The following SCHIP1 variants were observed in gnomAD, a reference collection of about 807,000 sequenced individuals.
SCHIP1 encodes schwannomin interacting protein 1.
Under a neutral mutation model 29.7 loss-of-function variants are expected in SCHIP1, and 8 were observed. The observed-to-expected ratio is 0.27, with a 90% CI of 0.16 to 0.49. The LOEUF (loss-of-function observed/expected upper bound fraction) is 0.49. Ranked by LOEUF, SCHIP1 falls within the 20% of genes least tolerant of loss-of-function variation. The probability of loss-of-function intolerance (pLI) is 0.99; values close to 1 mark genes in which losing one functional copy is unlikely to be tolerated. For missense variants in SCHIP1, 193 were observed against 294.6 expected (o/e 0.66, Z 2.52); for synonymous variants, 76 against 94.9 (o/e 0.80, Z 1.16).
chr3:159,541,526 A>G, the SCHIP1 span, among the ~76,000 whole-genome samples: 1,629 of 152,174 alleles, frequency 0.011, 16 homozygotes, highest in Non-Finnish European at 0.017. Context: ...TGAAAAGGTG[A>G]CCTATTTCCC....
At chr3:159,320,882 C>T in the SCHIP1 span, among the ~76,000 whole-genome samples, 1 of 151,116 alleles carries the variant, frequency 6.6e-6, no homozygotes, top group Non-Finnish European at 1.5e-5. Context: ...GTATCATCTT[C>T]CTGGGGGGCT....
chr3:159,329,292 G>A, the SCHIP1 span, among the ~76,000 whole-genome samples: 2 of 152,150 alleles, frequency 1.3e-5, no homozygotes, highest in Non-Finnish European at 2.9e-5. Context: ...GAGAGGACTG[G>A]CATCAACTAA....
At chr3:159,754,371 T>G in the SCHIP1 span, among the ~76,000 whole-genome samples, 1 of 152,312 alleles carries the variant, frequency 6.6e-6, no homozygotes, top group South Asian at 2.1e-4. Flanking sequence ...TATTGAAATT[T>G]TTCTTGATTA....
intron 6 of SCHIP1, chr3:159,894,027 T>C (rs1717815889): frequency 6.6e-6 from 1 of 152,190 alleles, no homozygotes; most frequent in Non-Finnish European, 1.5e-5. Context: ...CCTTTACCTG[T>C]ACAACTCCTA....
chr3:159,443,447 A>G, the SCHIP1 span, among the ~76,000 whole-genome samples: 1 of 152,164 alleles, frequency 6.6e-6, no homozygotes, highest in African/African-American at 2.4e-5. Flanking sequence ...AGTAATTTCA[A>G]GGTGAAGTCA....
intron 6 of SCHIP1, chr3:159,894,842 T>G (rs1717902577): frequency 6.6e-6 from 1 of 152,248 alleles, no homozygotes; most frequent in Admixed American, 6.5e-5. Context: ...TGTTTAAAAT[T>G]TTAATGAAAT....
chr3:159,718,603 G>A, the SCHIP1 span, among the ~76,000 whole-genome samples: 2 of 152,146 alleles, frequency 1.3e-5, no homozygotes, highest in Non-Finnish European at 2.9e-5. Flanking sequence ...CAAACAGAGA[G>A]CCAAATCATG....
At chr3:159,486,616 T>C in the SCHIP1 span, among the ~76,000 whole-genome samples, 2 of 152,224 alleles carry the variant, frequency 1.3e-5, no homozygotes, top group Non-Finnish European at 2.9e-5. Flanking sequence ...AGGCACTCCC[T>C]CAGGAAGGTG....
At chr3:159,718,223 G>T in the SCHIP1 span, among the ~76,000 whole-genome samples, 162 of 152,266 alleles carry the variant, frequency 1.1e-3, 4 homozygotes, top group South Asian at 9.7e-3. Flanking sequence ...GTATTGATGG[G>T]ATGTATCTCA....
intron 1 of SCHIP1, among the ~76,000 whole-genome samples, chr3:159,857,268 T>C (rs986232613): frequency 6.6e-6 from 1 of 152,160 alleles, no homozygotes; most frequent in African/African-American, 2.4e-5. Flanking sequence ...GTGTGTTAGA[T>C]GTATTCTTGT....
At chr3:159,682,286 A>G in the SCHIP1 span, among the ~76,000 whole-genome samples, 2 of 152,314 alleles carry the variant, frequency 1.3e-5, no homozygotes, top group African/African-American at 2.4e-5. Context: ...AGTAAATATC[A>G]AGTATCTAAA....
the SCHIP1 span, among the ~76,000 whole-genome samples, chr3:159,653,220 C>G: frequency 6.6e-6 from 1 of 152,124 alleles, no homozygotes; most frequent in South Asian, 2.1e-4. Flanking sequence ...CCATTTGACC[C>G]AGGAATCCCA....
chr3:159,734,911 C>G, the SCHIP1 span, among the ~76,000 whole-genome samples: 1 of 151,766 alleles, frequency 6.6e-6, no homozygotes, highest in African/African-American at 2.4e-5. Context: ...TACTTCATCC[C>G]CTGTGCCCAT....
chr3:159,720,917 A>G, the SCHIP1 span, among the ~76,000 whole-genome samples: 1 of 152,206 alleles, frequency 6.6e-6, no homozygotes, highest in Non-Finnish European at 1.5e-5. Context: ...GAAAGTAAAC[A>G]TTCTTTATCT....
At chr3:159,784,640 A>G in the SCHIP1 span, among the ~76,000 whole-genome samples, 1 of 152,322 alleles carries the variant, frequency 6.6e-6, no homozygotes, top group Non-Finnish European at 1.5e-5. Flanking sequence ...ATCCTGTAGA[A>G]TAAATGGAAA....
At chr3:159,714,763 G>C in the SCHIP1 span, among the ~76,000 whole-genome samples, 2 of 152,200 alleles carry the variant, frequency 1.3e-5, no homozygotes, top group African/African-American at 2.4e-5. Flanking sequence ...GAACTGGGTG[G>C]AGCCCACCTC....
chr3:159,429,532 C>G, the SCHIP1 span, among the ~76,000 whole-genome samples: 1 of 152,122 alleles, frequency 6.6e-6, no homozygotes, highest in Non-Finnish European at 1.5e-5. Context: ...AGCAGGGAAC[C>G]ATAATGAAAA....
the SCHIP1 span, among the ~76,000 whole-genome samples, chr3:159,428,236 G>A: frequency 6.6e-6 from 1 of 152,148 alleles, no homozygotes; most frequent in Non-Finnish European, 1.5e-5. Flanking sequence ...AGCAAAAGAA[G>A]CTACCGTCAG....
the SCHIP1 span, among the ~76,000 whole-genome samples, chr3:159,512,641 T>C: frequency 6.6e-5 from 10 of 152,218 alleles, no homozygotes; most frequent in Non-Finnish European, 1.5e-4. Context: ...ACATACAAGG[T>C]GAAACACGAA....
Sources: gnomAD v4.1 joint callset for allele counts (sites outside exome capture counted in the v4.1 genomes callset) on GRCh38, gnomAD v4.1.1 for gene constraint, MANE v1.5 for transcripts, NCBI Gene and HGNC (gene_info 2026-07-23, HGNC 2026-07-21) for gene names.